SV2C: variants seen among roughly 807,000 people sequenced by gnomAD.
SV2C encodes the protein synaptic vesicle glycoprotein 2C, also known as solute carrier family 22 member B3.
Under a neutral mutation model 79.7 loss-of-function variants are expected in SV2C, and 49 were observed. The observed-to-expected ratio is 0.61, with a 90% CI of 0.49 to 0.78. The LOEUF is 0.78. Ranked by LOEUF, SV2C falls within the 30% of genes least tolerant of loss-of-function variation. The pLI, the probability that SV2C is intolerant of heterozygous loss-of-function variation, is 0.00. For missense variants in SV2C, 833 were observed against 912.9 expected (o/e 0.91, Z 1.13); for synonymous variants, 334 against 333.2 (o/e 1.00, Z -0.03).
At chr5:76,270,331 A>C (rs1271363802) in intron 4 of SV2C, among the ~76,000 whole-genome samples, 1 of 152,222 alleles carries the variant, frequency 6.6e-6, no homozygotes, top group Non-Finnish European at 1.5e-5. Context: ...AGGTTTGTTC[A>C]CAAAAAAATG....
chr5:75,999,283 C>T, the SV2C span, among the ~76,000 whole-genome samples: 1 of 140,400 alleles, frequency 7.1e-6, no homozygotes, highest in African/African-American at 2.7e-5. Flanking sequence ...TGTGTATGTA[C>T]ATATATATAC....
chr5:75,942,899 G>T, the SV2C span, among the ~76,000 whole-genome samples: 1 of 152,140 alleles, frequency 6.6e-6, no homozygotes, highest in East Asian at 1.9e-4. Flanking sequence ...ATGCGATAGT[G>T]CATGTCTGTA....
the SV2C span, among the ~76,000 whole-genome samples, chr5:75,987,637 C>A: frequency 1.3e-5 from 2 of 151,910 alleles, no homozygotes; most frequent in African/African-American, 2.4e-5. Context: ...CATTTCAGAT[C>A]AAAAGTGAAA....
chr5:76,265,281 T>G (rs1358826280), intron 4 of SV2C, among the ~76,000 whole-genome samples: 1 of 152,150 alleles, frequency 6.6e-6, no homozygotes, highest in African/African-American at 2.4e-5. Context: ...CAAGCCTTAG[T>G]AATGGCGGAC....
At chr5:76,133,775 T>C (rs1428881036) in intron 2 of SV2C, among the ~76,000 whole-genome samples, 1 of 152,218 alleles carries the variant, frequency 6.6e-6, no homozygotes, top group Non-Finnish European at 1.5e-5. Context: ...TATCTAGCAC[T>C]GTATATCATT....
At chr5:75,921,156 A>G in the SV2C span, 1 of 907,290 alleles carries the variant, frequency 1.1e-6, no homozygotes, top group East Asian at 2.4e-5. Context: ...CCAATGAGCA[A>G]GTTGTTGGAG....
the SV2C span, among the ~76,000 whole-genome samples, chr5:76,029,354 G>A: frequency 6.6e-6 from 1 of 152,128 alleles, no homozygotes; most frequent in African/African-American, 2.4e-5. Context: ...AAAATGTTGT[G>A]TTCTTTGACC....
At chr5:76,121,776 G>C (rs1210984574) in intron 1 of SV2C, among the ~76,000 whole-genome samples, 3 of 151,788 alleles carry the variant, frequency 2.0e-5, no homozygotes, top group African/African-American at 7.3e-5. Flanking sequence ...CTGTAGCCTT[G>C]TAGTATAGTT....
chr5:75,890,908 G>C, the SV2C span, among the ~76,000 whole-genome samples: 1 of 151,974 alleles, frequency 6.6e-6, no homozygotes, highest in Non-Finnish European at 1.5e-5. Context: ...CCTACCATTT[G>C]TTTCTGGTTG....
intron 2 of SV2C, among the ~76,000 whole-genome samples, chr5:76,160,408 G>C (rs563323519): frequency 4.9e-4 from 74 of 152,282 alleles, no homozygotes; most frequent in African/African-American, 1.7e-3. Flanking sequence ...ACGGAATTGA[G>C]AATCCAGAAA....
At chr5:76,031,870 C>T in the SV2C span, among the ~76,000 whole-genome samples, 3 of 152,170 alleles carry the variant, frequency 2.0e-5, no homozygotes, top group African/African-American at 7.2e-5. Context: ...AGGGACTTTC[C>T]GAAATATTTG....
intron 1 of SV2C, among the ~76,000 whole-genome samples, chr5:76,124,589 T>G (rs1364543123): frequency 6.6e-6 from 1 of 152,206 alleles, no homozygotes; most frequent in Non-Finnish European, 1.5e-5. Context: ...TATAAATATC[T>G]TCTCCAAAAT....
chr5:76,326,574 C>G lies in SV2C; in HGVS notation c.*1027C>G, dbSNP rs148495486. Reference sequence around the variant, plus strand: ...CCTCTTTGCTGTGGGACTGGCCCGCCAGGACCCCCACCCCACCTGGCCCGC... The same window carrying G: ...CCTCTTTGCTGTGGGACTGGCCCGCGAGGACCCCCACCCCACCTGGCCCGC... On this transcript the variant is annotated 3_prime_UTR_variant, in exon 13 of 13. Coordinates refer to ENST00000502798, the MANE Select transcript of SV2C (RefSeq NM_014979.4). 1 of 152,254 alleles carries G rather than the reference C, an allele frequency of 6.6e-6. No individual in the cohort carries two copies. The highest frequency in any genetic ancestry group is 1.5e-5 in the Non-Finnish European group (1 of 68,050). The allele number at this position is 152,254 out of a possible 1,614,324, so 9.4% of individuals were successfully genotyped here.
chr5:76,036,572 C>A, the SV2C span, among the ~76,000 whole-genome samples: 3 of 152,064 alleles, frequency 2.0e-5, no homozygotes, highest in South Asian at 2.1e-4. Flanking sequence ...GAATATTGGC[C>A]CCCACTCTCT....
intron 2 of SV2C, among the ~76,000 whole-genome samples, chr5:76,188,028 G>A (rs954232624): frequency 6.6e-6 from 1 of 152,160 alleles, no homozygotes; most frequent in African/African-American, 2.4e-5. Flanking sequence ...GGAGCTAAGG[G>A]CAGGTGGATT....
At chr5:75,889,786 A>G in the SV2C span, among the ~76,000 whole-genome samples, 1 of 152,118 alleles carries the variant, frequency 6.6e-6, no homozygotes, top group Non-Finnish European at 1.5e-5. Context: ...CAAAATTATC[A>G]TTGAGTTCAA....
intron 2 of SV2C, among the ~76,000 whole-genome samples, chr5:76,165,965 A>G (rs1056993817): frequency 6.6e-6 from 1 of 152,140 alleles, no homozygotes; most frequent in Non-Finnish European, 1.5e-5. Context: ...CATGCCCAGA[A>G]TCAACTCCAG....
At chr5:76,110,305 G>A (rs989540326) in intron 1 of SV2C, among the ~76,000 whole-genome samples, 1 of 152,212 alleles carries the variant, frequency 6.6e-6, no homozygotes, top group Non-Finnish European at 1.5e-5. Flanking sequence ...CATGGAGTGT[G>A]ATTTGTTGTG....
intron 4 of SV2C, among the ~76,000 whole-genome samples, chr5:76,284,697 C>A (rs1187321684): frequency 6.6e-6 from 1 of 152,188 alleles, no homozygotes; most frequent in Non-Finnish European, 1.5e-5. Flanking sequence ...TATCCCAACC[C>A]TCCTTCACTC....
Sources: gnomAD v4.1 joint callset for allele counts (sites outside exome capture counted in the v4.1 genomes callset) on GRCh38, gnomAD v4.1.1 for gene constraint, MANE v1.5 for transcripts, NCBI Gene and HGNC (gene_info 2026-07-23, HGNC 2026-07-21) for gene names.